The following LEMD1 variants were observed in gnomAD, a reference collection of about 807,000 sequenced individuals.
LEMD1 encodes the protein LEM domain-containing protein 1.
In LEMD1, 18 loss-of-function variants were observed where a neutral mutation model predicts 17.4. The observed-to-expected ratio is 1.04, with a 90% confidence interval of 0.72 to 1.54. LEMD1 has a LOEUF of 1.54. Among genes scored for constraint, LEMD1 ranks in the 40% most tolerant of loss-of-function variants. The pLI is 0.00. For synonymous variants in LEMD1, 88 were observed against 77.8 expected (o/e 1.13, Z -0.69); for missense variants, 195 against 210.4 (o/e 0.93, Z 0.45).
At chr1:205,387,861 C>T (rs1048912472) in intron 4 of LEMD1, among the ~76,000 whole-genome samples, 3 of 152,232 alleles carry the variant, frequency 2.0e-5, no homozygotes, top group African/African-American at 7.2e-5. Context: ...GTGACTGTCT[C>T]ACTACAACAC....
At chr1:205,417,039 G>T (rs573558507) in intron 3 of LEMD1, among the ~76,000 whole-genome samples, 1 of 152,130 alleles carries the variant, frequency 6.6e-6, no homozygotes, top group Non-Finnish European at 1.5e-5. Context: ...AAAGGAGAAG[G>T]CTAAGTCCAC....
intron 4 of LEMD1, among the ~76,000 whole-genome samples, chr1:205,390,745 A>T (rs1299923853): frequency 6.6e-6 from 1 of 152,258 alleles, no homozygotes; most frequent in Non-Finnish European, 1.5e-5. Context: ...AGCAAAAATT[A>T]AAAGCCTACC....
chr1:205,433,276 G>A (rs953843580), intron 1 of LEMD1, among the ~76,000 whole-genome samples: 2 of 152,116 alleles, frequency 1.3e-5, no homozygotes, highest in African/African-American at 4.8e-5. Context: ...GACCAACATG[G>A]TGAAACCCCG....
chr1:205,396,473 A>G (rs1243658961), intron 4 of LEMD1, among the ~76,000 whole-genome samples: 1 of 152,224 alleles, frequency 6.6e-6, no homozygotes, highest in Non-Finnish European at 1.5e-5. Flanking sequence ...ATTCTTACAC[A>G]TATAAACACT....
intron 1 of LEMD1, among the ~76,000 whole-genome samples, chr1:205,442,634 G>A (rs745562482): frequency 1.8e-4 from 28 of 152,200 alleles, no homozygotes; most frequent in Non-Finnish European, 3.7e-4. Flanking sequence ...CCAGCTGGAT[G>A]GGCAGGAGGC....
At chr1:205,429,858 C>T (rs895317964) in intron 1 of LEMD1, among the ~76,000 whole-genome samples, 2 of 152,130 alleles carry the variant, frequency 1.3e-5, no homozygotes, top group South Asian at 4.1e-4. Context: ...GGCTGCTGCT[C>T]TCACTCCTCA....
At chr1:205,445,007 G>A (rs762723492) in intron 1 of LEMD1, among the ~76,000 whole-genome samples, 2 of 151,816 alleles carry the variant, frequency 1.3e-5, no homozygotes, top group African/African-American at 2.4e-5. Context: ...CCTTAGCACC[G>A]CGTCTCAGTA....
At chr1:205,399,537 C>T (rs1472627195) in intron 4 of LEMD1, among the ~76,000 whole-genome samples, 2 of 152,158 alleles carry the variant, frequency 1.3e-5, no homozygotes, top group Non-Finnish European at 2.9e-5. Flanking sequence ...TTTCCAAACA[C>T]CTTGTGAAAC....
chr1:205,388,424 TG>T (rs1372382071), intron 4 of LEMD1, among the ~76,000 whole-genome samples: 4 of 152,152 alleles, frequency 2.6e-5, no homozygotes, highest in Admixed American at 2.6e-4. Context: ...CTCCTGACCT[TG>T]TGATCCAACT....
At chr1:205,402,497 C>G (rs1028901137) in intron 4 of LEMD1, among the ~76,000 whole-genome samples, 10 of 151,926 alleles carry the variant, frequency 6.6e-5, no homozygotes, top group African/African-American at 2.4e-4. Context: ...TGATTTGGCT[C>G]TCTGTCTGTT....
Position 205,403,952 on chromosome 1 carries a change from G to A in LEMD1, c.270+12280C>T, listed in dbSNP as rs562268839. Among the ~76,000 whole-genome samples, 10 of 152,132 alleles carry A rather than the reference G, an allele frequency of 6.6e-5. No individual in the cohort carries two copies. The East Asian group carries it at 1.9e-3, about 29-fold the overall frequency. ...ACATCTTTATTTCTGCCTTCATTTT[G>A]TTATGTACCCAGTAGTCATTCAGGA... On this transcript the variant is annotated intron_variant, in intron 4 of 5. Coordinates refer to ENST00000367153, the MANE Select transcript of LEMD1 (RefSeq NM_001199050.2).
chr1:205,411,321 A>C (rs1482916310), intron 4 of LEMD1, among the ~76,000 whole-genome samples: 1 of 151,982 alleles, frequency 6.6e-6, no homozygotes, highest in African/African-American at 2.4e-5. Context: ...TAATCCCAGC[A>C]CTTTGGGAGG....
chr1:205,393,754 G>A (rs190513065), intron 4 of LEMD1, among the ~76,000 whole-genome samples: 7 of 151,122 alleles, frequency 4.6e-5, no homozygotes, highest in Admixed American at 6.6e-5. Context: ...TAGTGGTAAC[G>A]TAAAATGGCC....
At position 205,433,278 on chromosome 1, in the gene LEMD1, G is replaced by A. The variant is rs142562202; in HGVS notation, c.-38-12704C>T. On this transcript the variant is annotated intron_variant, in intron 1 of 3. Transcript: ENST00000367154. ...TCGAGACCAGCCTGACCAACATGGT[G>A]AAACCCCGTCTCTACTAAAAATACA... 1.4e-3 allele frequency among the ~76,000 whole-genome samples: 211 copies of A among 152,282 alleles called. 3 individuals are homozygous for A. The East Asian group carries it at 0.028, about 20-fold the overall frequency.
upstream of LEMD1, among the ~76,000 whole-genome samples, chr1:205,423,673 T>C (rs1666017974): frequency 6.6e-6 from 1 of 152,244 alleles, no homozygotes; most frequent in African/African-American, 2.4e-5. Flanking sequence ...GTCAGCATTA[T>C]TCCATTTATG....
At chr1:205,391,753 C>G (rs758477761) in intron 4 of LEMD1, among the ~76,000 whole-genome samples, 2 of 152,148 alleles carry the variant, frequency 1.3e-5, no homozygotes, top group African/African-American at 4.8e-5. Context: ...AGCAAAGAGG[C>G]AGTGCCCCTC....
intron 4 of LEMD1, among the ~76,000 whole-genome samples, chr1:205,393,154 C>T (rs1664418873): frequency 6.6e-6 from 1 of 151,776 alleles, no homozygotes; most frequent in Admixed American, 6.6e-5. Context: ...TCTTACAACT[C>T]AAAAAGAAAA....
intron 1 of LEMD1, chr1:205,437,811 G>A (rs992793286): frequency 1.2e-4 from 19 of 152,186 alleles, no homozygotes; most frequent in Non-Finnish European, 2.1e-4. Flanking sequence ...AGGTCACATA[G>A]GTCATTAGTT....
intron 4 of LEMD1, among the ~76,000 whole-genome samples, chr1:205,390,355 TA>T (rs566363489): frequency 2.7e-3 from 368 of 135,908 alleles, no homozygotes; most frequent in African/African-American, 5.4e-3. Context: ...ACTCTCTCTC[TA>T]AAAAAAAAAA....
Sources: allele counts gnomAD v4.1 joint callset (sites outside exome capture counted in the v4.1 genomes callset), GRCh38; gene constraint gnomAD v4.1.1; transcripts MANE v1.5; gene names NCBI Gene and HGNC (gene_info 2026-07-23, HGNC 2026-07-21).